SRCIN1: variants seen among roughly 807,000 people sequenced by gnomAD.
SRCIN1 encodes P130Cas-associated protein.
SRCIN1 carries 50 observed loss-of-function variants against 116.2 expected under a neutral mutation model. The ratio of observed to expected loss-of-function variants is 0.43; its 90% CI spans 0.34 to 0.54. The LOEUF (loss-of-function observed/expected upper bound fraction) is 0.54. SRCIN1 is among the 20% of genes least tolerant of loss of function. The pLI is 0.02. For missense variants in SRCIN1, 1,446 were observed against 1,672.0 expected (o/e 0.86, Z 2.36); for synonymous variants, 736 against 750.0 (o/e 0.98, Z 0.30).
At chr17:38,560,731 G>A (rs115807201) in intron 7 of SRCIN1, among the ~76,000 whole-genome samples, 2,779 of 152,228 alleles carry the variant, frequency 0.018, 102 homozygotes, top group African/African-American at 0.063. Flanking sequence ...CCCGAGGAAC[G>A]CCTCCTTCCA....
Position 38,551,133 on chromosome 17 carries a change from C to T in SRCIN1, c.2962+22G>A, listed in dbSNP as rs780618517. On this transcript the variant is annotated intron_variant, in intron 15 of 18. Transcript: ENST00000617146. Reference sequence around the variant, plus strand: ...GCACTCCCCCACGCTGGGCTCCTTACCAGCCCTACTACTCCCCATACCTGA... The same window carrying T: ...GCACTCCCCCACGCTGGGCTCCTTATCAGCCCTACTACTCCCCATACCTGA... 4 of 1,167,504 alleles carry T rather than the reference C, an allele frequency of 3.4e-6. No homozygotes were observed. In the South Asian group the frequency reaches 4.4e-5, roughly 13 times the overall value. The allele number at this position is 1,167,504 out of a possible 1,614,324, so 72.3% of individuals were successfully genotyped here.
At chr17:38,574,900 G>A (rs981208178) in intron 2 of SRCIN1, 1 of 401,106 alleles carries the variant, frequency 2.5e-6, no homozygotes, top group Admixed American at 4.4e-5. Flanking sequence ...CAGCCCCGGA[G>A]GGGGCGGAGT....
chr17:38,570,685 G>T (rs969770876), intron 2 of SRCIN1, among the ~76,000 whole-genome samples: 1 of 152,252 alleles, frequency 6.6e-6, no homozygotes, highest in African/African-American at 2.4e-5. Context: ...GACAGGGCCT[G>T]GCCACAACCA....
intron 2 of SRCIN1, among the ~76,000 whole-genome samples, chr17:38,571,820 G>C (rs1907096604): frequency 6.6e-6 from 1 of 152,176 alleles, no homozygotes; most frequent in Admixed American, 6.5e-5. Context: ...AGCCAGGCCA[G>C]GGAGTCCTCA....
intron 1 of SRCIN1, among the ~76,000 whole-genome samples, chr17:38,588,089 G>A (rs1258982572): frequency 2.7e-5 from 4 of 149,546 alleles, no homozygotes; most frequent in African/African-American, 5.0e-5. Flanking sequence ...AGAAGAAGAA[G>A]CAGAAGCTAA....
Position 38,563,964 on chromosome 17 carries a change from A to G in SRCIN1, c.541+154T>C. ...GATGCTGAGGGCGAGAGAGAGATGG[A>G]GAGAGCTGGGGTTGCTTGGGGAGAA... On this transcript the variant is annotated intron_variant, in intron 4 of 18. Transcript: ENST00000617146. This position sits in a 1 kb window ranked among gnomAD's most constrained non-coding sequence, Gnocchi z 5.8. The G allele has an allele frequency of 1.2e-6, 1 of 815,074 alleles. No homozygotes were observed. The highest frequency in any genetic ancestry group is 1.9e-6 in the Non-Finnish European group (1 of 521,938). 50.5% of individuals were successfully genotyped at this position (815,074 alleles called of 1,614,324 possible).
At chr17:38,546,537 C>T (rs1032014290) in intron 17 of SRCIN1, 1 of 152,322 alleles carries the variant, frequency 6.6e-6, no homozygotes, top group Non-Finnish European at 1.5e-5. Flanking sequence ...CCGATGCTGC[C>T]GCAGGATGCA....
In SRCIN1 at chr17:38,543,865, G is replaced by C. The variant is rs1904904823; in HGVS notation, c.3375C>G (p.Gly1125=). ...TCCGCATGTACTCGGCCCTCTGCTT[G>C]CCATGTTTGCTTTTGTCGGGGCTGC... The part of the protein sequence containing the change: ...QAGSPDKSKH[G]KQRAEYMRIQ... The change falls in exon 18 of 19, where the codon GGC becomes GGG. Residue 1125 remains glycine, a synonymous_variant. Coordinates refer to ENST00000617146, the MANE Select transcript of SRCIN1 (RefSeq NM_025248.3). 1 of 1,608,108 alleles carries C rather than the reference G, an allele frequency of 6.2e-7. No individual in the cohort carries two copies. Among genetic ancestry groups the C allele is most frequent in the African/African-American group, 1.3e-5 (1 of 74,914 alleles).
intron 17 of SRCIN1, among the ~76,000 whole-genome samples, chr17:38,548,273 G>A (rs776099702): frequency 2.0e-5 from 3 of 152,150 alleles, no homozygotes; most frequent in Non-Finnish European, 4.4e-5. Flanking sequence ...CAGAATCTTC[G>A]GATACGGGAC....
chr17:38,562,202 G>C lies in SRCIN1; in HGVS notation c.961C>G (p.Gln321Glu). ...CGCGAACGCGACGGCGAACCGGACT[G>C]CAGCCCGGACGGCAGCCCCGACGGC... is the stretch of plus-strand genomic sequence containing the variant. ...GLPSGLPSGLQSGSPSRSRLS... is the reference protein window; with the variant it reads ...GLPSGLPSGLESGSPSRSRLS... The change falls in exon 7 of 19, where the codon CAG becomes GAG. Residue 321 changes from glutamine to glutamate, a missense_variant. Transcript: ENST00000617146. The surrounding 1 kb of genome is among the most constrained non-coding windows in gnomAD (Gnocchi z 4.2). The C allele has an allele frequency of 7.0e-7, 1 of 1,421,972 alleles. No individual in the cohort carries two copies. Among genetic ancestry groups the C allele is most frequent in the Non-Finnish European group, 9.1e-7 (1 of 1,098,418 alleles). The allele number at this position is 1,421,972 out of a possible 1,614,324, so 88.1% of individuals were successfully genotyped here. A position where few individuals can be genotyped will look rare whatever the true frequency, so the allele number is the denominator to read the frequency against.
intron 1 of SRCIN1, among the ~76,000 whole-genome samples, chr17:38,603,205 G>C (rs1220932665): frequency 6.6e-6 from 1 of 152,118 alleles, no homozygotes; most frequent in Non-Finnish European, 1.5e-5. Flanking sequence ...AGGGAGGGGG[G>C]AGAGGGGGAG....
intron 1 of SRCIN1, among the ~76,000 whole-genome samples, chr17:38,584,534 C>A (rs1283466257): frequency 6.6e-6 from 1 of 152,026 alleles, no homozygotes; most frequent in Non-Finnish European, 1.5e-5. Flanking sequence ...CGGGCGCCCC[C>A]CAGTGGCCGG....
intron 1 of SRCIN1, among the ~76,000 whole-genome samples, chr17:38,591,597 T>G (rs1413339334): frequency 6.6e-6 from 1 of 152,180 alleles, no homozygotes; most frequent in Non-Finnish European, 1.5e-5. Context: ...GAAAAACAAA[T>G]GCTCAGGGCC....
At chr17:38,561,022 G>A (rs1906198398) in intron 7 of SRCIN1, among the ~76,000 whole-genome samples, 1 of 152,228 alleles carries the variant, frequency 6.6e-6, no homozygotes, top group South Asian at 2.1e-4. Flanking sequence ...GTACCCGAAT[G>A]TGCTCCTTTC....
Position 38,552,254 on chromosome 17 carries a change from G to T in SRCIN1, c.2481-122C>A. 6.8e-7 allele frequency: 1 copy of T among 1,460,964 alleles called. No homozygotes were observed. 90.5% of individuals were successfully genotyped at this position (1,460,964 alleles called of 1,614,324 possible). ...CTGGGATGCTGTGGGAGGGCCTGGG[G>T]AGGAGTGACTGCCCCTGGTATAAGA... On this transcript the variant is annotated intron_variant, in intron 13 of 18. Coordinates refer to ENST00000617146, the MANE Select transcript of SRCIN1 (RefSeq NM_025248.3). This position sits in a 1 kb window ranked among gnomAD's most constrained non-coding sequence, Gnocchi z 5.3.
chr17:38,574,314 TC>T (rs1419322539), intron 2 of SRCIN1, among the ~76,000 whole-genome samples: 1 of 152,146 alleles, frequency 6.6e-6, no homozygotes, highest in Non-Finnish European at 1.5e-5. Context: ...AGATCTATCT[TC>T]CCATAACGGA....
chr17:38,587,451 G>A (rs1462926790), intron 1 of SRCIN1, among the ~76,000 whole-genome samples: 1 of 152,100 alleles, frequency 6.6e-6, no homozygotes, highest in Non-Finnish European at 1.5e-5. Context: ...CCCGTCCTGT[G>A]TCGGGAAACC....
chr17:38,578,248 C>T (rs1907538239), intron 2 of SRCIN1, among the ~76,000 whole-genome samples: 1 of 152,232 alleles, frequency 6.6e-6, no homozygotes, highest in Admixed American at 6.5e-5. Flanking sequence ...TCTCGATTTC[C>T]GGACTGCAGG....
intron 1 of SRCIN1, among the ~76,000 whole-genome samples, chr17:38,578,999 T>TAGGG (rs982186793): frequency 1.3e-5 from 2 of 152,066 alleles, no homozygotes; most frequent in Non-Finnish European, 2.9e-5. Context: ...CTACGGCCCC[T>TAGGG]AGGGAGGGGT....
Sources: gnomAD v4.1 joint callset for allele counts (sites outside exome capture counted in the v4.1 genomes callset) on GRCh38, gnomAD v4.1.1 for gene constraint, Gnocchi (gnomAD v3.1) non-coding constraint, MANE v1.5 for transcripts, NCBI Gene and HGNC (gene_info 2026-07-23, HGNC 2026-07-21) for gene names.